PTGER3: variants seen among roughly 807,000 people sequenced by gnomAD.
PTGER3 encodes prostaglandin E2 receptor EP3 subtype.
In PTGER3, 22 loss-of-function variants were observed where a neutral mutation model predicts 34.7. That is an observed-to-expected ratio of 0.63 (90% CI 0.45 to 0.91). PTGER3 has a LOEUF of 0.91. Ranked by LOEUF, PTGER3 falls within the 40% of genes least tolerant of loss-of-function variation. The pLI is 0.00. For synonymous variants in PTGER3, 241 were observed against 230.1 expected, an observed-to-expected ratio of 1.05 and a Z score of -0.43; for missense variants, 468 against 519.4, an observed-to-expected ratio of 0.90 and a Z score of 0.96.
At chr1:70,955,441 A>C (rs765995901) in intron 2 of PTGER3, among the ~76,000 whole-genome samples, 29 of 152,164 alleles carry the variant, frequency 1.9e-4, no homozygotes, top group Admixed American at 3.9e-4. Flanking sequence ...AGTGGATTTT[A>C]TTCACTTAGT....
intron 4 of PTGER3, among the ~76,000 whole-genome samples, chr1:70,908,979 T>C (rs1291936137): frequency 6.6e-6 from 1 of 152,202 alleles, no homozygotes; most frequent in Non-Finnish European, 1.5e-5. Flanking sequence ...GAGCTAGGAT[T>C]CAAAACCTGG....
intron 4 of PTGER3, among the ~76,000 whole-genome samples, chr1:70,885,767 T>C (rs1193632102): frequency 6.6e-6 from 1 of 152,098 alleles, no homozygotes. Flanking sequence ...AATAAAGATA[T>C]ACAATATGAT....
chr1:70,993,488 G>A (rs996002567), intron 2 of PTGER3, among the ~76,000 whole-genome samples: 27 of 152,310 alleles, frequency 1.8e-4, no homozygotes, highest in Admixed American at 1.8e-3. Context: ...TGTACAGTTA[G>A]GCTAAAATGT....
chr1:70,861,029 A>G (rs1360019917), intron 4 of PTGER3, among the ~76,000 whole-genome samples: 2 of 152,204 alleles, frequency 1.3e-5, no homozygotes, highest in East Asian at 3.8e-4. Flanking sequence ...GTGGGAAGTT[A>G]TTAATTCAGC....
At chr1:71,006,267 T>A (rs2744916) in intron 2 of PTGER3, 1 of 985,284 alleles carries the variant, frequency 1.0e-6, no homozygotes, top group African/African-American at 1.7e-5. Context: ...TCCTTGGATA[T>A]CTTTTCTCAC....
chr1:71,028,372 C>T (rs1185163639), intron 1 of PTGER3, among the ~76,000 whole-genome samples: 6 of 152,140 alleles, frequency 3.9e-5, no homozygotes, highest in Admixed American at 3.9e-4. Context: ...AAGAGAGATG[C>T]GGCAAACTTT....
chr1:70,973,937 A>G (rs1014363586), intron 3 of PTGER3, among the ~76,000 whole-genome samples: 1 of 152,172 alleles, frequency 6.6e-6, no homozygotes, highest in Non-Finnish European at 1.5e-5. Context: ...TATGAGCCAT[A>G]TGGCGAACAC....
intron 4 of PTGER3, among the ~76,000 whole-genome samples, chr1:70,865,274 G>A (rs1381485246): frequency 1.3e-5 from 2 of 152,142 alleles, no homozygotes; most frequent in Non-Finnish European, 2.9e-5. Flanking sequence ...AGCAGTAGGG[G>A]TGTGGTGAAG....
Position 70,896,185 on chromosome 1 carries a change from T to C in PTGER3, c.*24-43326A>G, listed in dbSNP as rs1269508382. On this transcript the variant is annotated intron_variant, in intron 4 of 4. Transcript: ENST00000370931. Reference sequence around the variant, plus strand: ...GGCTACTGTTAAGAGTTAACTTGTGTCCCCACAACAGATATTGAAGTCCTA... The same window carrying C: ...GGCTACTGTTAAGAGTTAACTTGTGCCCCCACAACAGATATTGAAGTCCTA... Among the ~76,000 whole-genome samples, 6 of 152,332 alleles carry C rather than the reference T, an allele frequency of 3.9e-5. No individual in the cohort carries two copies. The South Asian group carries it at 1.0e-3, about 26-fold the overall frequency.
At chr1:70,981,727 A>G (rs1247852845) in intron 2 of PTGER3, among the ~76,000 whole-genome samples, 1 of 152,038 alleles carries the variant, frequency 6.6e-6, no homozygotes, top group Admixed American at 6.6e-5. Flanking sequence ...TGTTTCTATT[A>G]CAATAAACCT....
intron 4 of PTGER3, among the ~76,000 whole-genome samples, chr1:70,937,693 ACT>A (rs931019475): frequency 1.3e-5 from 2 of 151,960 alleles, no homozygotes; most frequent in Non-Finnish European, 2.9e-5. Flanking sequence ...TAGTGCTGTG[ACT>A]CTCTATATCC....
At chr1:70,992,776 C>T (rs1655591902) in intron 2 of PTGER3, among the ~76,000 whole-genome samples, 1 of 152,128 alleles carries the variant, frequency 6.6e-6, no homozygotes, top group African/African-American at 2.4e-5. Flanking sequence ...ATTAAAGCCT[C>T]ACCCTACACT....
rs181168984 is a variant in PTGER3, at chr1:71,024,780, A to G, written c.898-12296T>C. Among the ~76,000 whole-genome samples, 1,242 of 150,388 alleles carry G rather than the reference A, an allele frequency of 8.3e-3. 69 individuals carry two copies. Among genetic ancestry groups the G allele is most frequent in the Admixed American group, 0.065 (982 of 15,042 alleles). ...GTGTTGACCAGGCTGGTCTTGAACT[A>G]CTGATCTCAGGTGATCCACCTGCCT... On this transcript the variant is annotated intron_variant, in intron 1 of 3. Coordinates refer to ENST00000306666, the MANE Select transcript of PTGER3 (RefSeq NM_198719.2).
chr1:70,876,004 G>A (rs575148316), intron 4 of PTGER3, among the ~76,000 whole-genome samples: 5 of 152,076 alleles, frequency 3.3e-5, no homozygotes, highest in Non-Finnish European at 2.9e-5. Flanking sequence ...AGTTCTTTGG[G>A]GAATCACTGC....
chr1:71,006,898 A>C, intron 2 of PTGER3: 1 of 985,426 alleles, frequency 1.0e-6, no homozygotes, highest in Non-Finnish European at 1.2e-6. Flanking sequence ...GACAAACACG[A>C]CATAAATAAC....
At chr1:70,910,820 C>A (rs1443974687) in intron 4 of PTGER3, among the ~76,000 whole-genome samples, 1 of 152,160 alleles carries the variant, frequency 6.6e-6, no homozygotes, top group African/African-American at 2.4e-5. Context: ...CCATGGCTCA[C>A]GCCTGTAATC....
intron 2 of PTGER3, among the ~76,000 whole-genome samples, chr1:70,993,705 G>C (rs1040714724): frequency 1.3e-5 from 2 of 152,172 alleles, no homozygotes; most frequent in African/African-American, 4.8e-5. Context: ...GAGGGCATTT[G>C]CATCCCCACT....
chr1:71,007,431 A>G, intron 2 of PTGER3: 8 of 985,508 alleles, frequency 8.1e-6, no homozygotes, highest in Non-Finnish European at 9.6e-6. Context: ...TGAACTTATC[A>G]TTTGCTTTGA....
intron 4 of PTGER3, among the ~76,000 whole-genome samples, chr1:70,945,158 T>C (rs1650111078): frequency 6.6e-6 from 1 of 152,156 alleles, no homozygotes; most frequent in Non-Finnish European, 1.5e-5. Flanking sequence ...ACATATTGCA[T>C]CACTTCATGA....
Sources: allele counts gnomAD v4.1 joint callset (sites outside exome capture counted in the v4.1 genomes callset), GRCh38; gene constraint gnomAD v4.1.1; transcripts MANE v1.5; gene names NCBI Gene and HGNC (gene_info 2026-07-23, HGNC 2026-07-21).